Variants in MEGF6 observed in about 807,000 individuals in gnomAD.
The protein encoded by MEGF6 is multiple epidermal growth factor-like domains protein 6.
MEGF6 carries 184 observed loss-of-function variants against 207.1 expected under a neutral mutation model. The ratio of observed to expected loss-of-function variants is 0.89; its 90% CI spans 0.79 to 1.00. MEGF6 has a LOEUF of 1.00. MEGF6 is among the 50% of genes least tolerant of loss of function. The pLI, the probability that MEGF6 is intolerant of heterozygous loss-of-function variation, is 0.00. For synonymous variants in MEGF6, 1,038 were observed against 910.0 expected (o/e 1.14, Z -2.53); for missense variants, 2,282 against 2,202.9 (o/e 1.04, Z -0.72).
At chr1:3,578,536 T>TC (rs1643704459) in intron 4 of MEGF6, among the ~76,000 whole-genome samples, 1 of 138,580 alleles carries the variant, frequency 7.2e-6, no homozygotes, top group Non-Finnish European at 1.6e-5. Flanking sequence ...GCAGGGGCCC[T>TC]GGGGGGGGGG....
chr1:3,568,210 T>A (rs1186486246), intron 4 of MEGF6, among the ~76,000 whole-genome samples: 2 of 152,026 alleles, frequency 1.3e-5, no homozygotes, highest in African/African-American at 4.8e-5. Flanking sequence ...CCTGGAGTGA[T>A]GAGGGGGTGA....
chr1:3,495,186 C>T (rs965890575), intron 30 of MEGF6, among the ~76,000 whole-genome samples: 4 of 152,186 alleles, frequency 2.6e-5, no homozygotes, highest in African/African-American at 4.8e-5. Flanking sequence ...GCCTGATGAC[C>T]GGCCTGATGG....
chr1:3,572,286 C>CT, intron 4 of MEGF6, among the ~76,000 whole-genome samples: 1 of 125,576 alleles, frequency 8.0e-6, no homozygotes, highest in Non-Finnish European at 1.7e-5. Flanking sequence ...GCTGGGTCCT[C>CT]CTGGGTGTGC....
At chr1:3,502,048 C>CCA (rs1557724551) in intron 17 of MEGF6, 127 bp from the exon 18 acceptor site, 5 of 1,190,540 alleles carry the variant, frequency 4.2e-6, no homozygotes, top group East Asian at 3.1e-5. Context: ...AGTGTGCCCC[C>CCA]CCGGCGCCTC....
intron 4 of MEGF6, chr1:3,531,497 G>C (rs1642170286): frequency 9.4e-7 from 1 of 1,058,838 alleles, no homozygotes; most frequent in African/African-American, 1.7e-5. Context: ...AGACAACCGA[G>C]GGAGCCGCCC....
At chr1:3,586,225 T>C (rs1643892689) in intron 3 of MEGF6, among the ~76,000 whole-genome samples, 1 of 152,212 alleles carries the variant, frequency 6.6e-6, no homozygotes, top group Non-Finnish European at 1.5e-5. Context: ...ATGTCCTGTG[T>C]GTGGGTGTGA....
At chr1:3,610,293 TG>T (rs1644306940) in intron 1 of MEGF6, among the ~76,000 whole-genome samples, 1 of 152,242 alleles carries the variant, frequency 6.6e-6, no homozygotes, top group African/African-American at 2.4e-5. Flanking sequence ...GCCAGGTTTG[TG>T]GTGGGCCCTA....
At chr1:3,617,996 G>A in the MEGF6 span, among the ~76,000 whole-genome samples, 15 of 152,182 alleles carry the variant, frequency 9.9e-5, no homozygotes, top group Non-Finnish European at 1.6e-4. Context: ...CCAGAGAGGA[G>A]CGGGGCCTCC....
intron 2 of MEGF6, among the ~76,000 whole-genome samples, chr1:3,597,316 A>G (rs2995005): frequency 0.19 from 29,016 of 151,848 alleles, 3,590 homozygotes; most frequent in African/African-American, 0.33. Flanking sequence ...CTTCCTCGGG[A>G]AGCCGCCCTG....
Position 3,497,583 on chromosome 1 carries a change from G to A in MEGF6, c.3353-222C>T, listed in dbSNP as rs982987067. ...GGGCCTCCCCACCGGCAGGCACAGC[G>A]CCCCTCACAGTGAGGCCCGAATGTG... On this transcript the variant is annotated intron_variant, in intron 26 of 36. Transcript: ENST00000356575. The A allele has an allele frequency of 1.3e-4, 89 of 704,788 alleles. No homozygotes were observed. The Admixed American group carries it at 1.5e-3, about 12-fold the overall frequency. The allele number at this position is 704,788 out of a possible 1,614,324, so 43.7% of individuals were successfully genotyped here. A position where few individuals can be genotyped will look rare whatever the true frequency, so the allele number is the denominator to read the frequency against.
intron 7 of MEGF6, among the ~76,000 whole-genome samples, chr1:3,513,476 C>T (rs1372026044): frequency 2.0e-5 from 3 of 150,594 alleles, no homozygotes. Context: ...CAGGATCTCG[C>T]TATGTTGCCC....
rs186981839 is a variant in MEGF6, at chr1:3,495,918, C to T, written c.3843G>A (p.Pro1281=). The change falls in exon 30 of 37, where the codon CCG becomes CCA. Residue 1281 remains proline, a synonymous_variant. Transcript: ENST00000356575. The part of the protein sequence containing the change: ...DPVTGTCLCP[P]GRAGVRCERG... ...GCTCACAGCGGACGCCGGCTCTCCC[C>T]GGGGGGCAGAGGCAGGTGCCGGTCA... 3.0e-4 allele frequency: 477 copies of T among 1,597,550 alleles called. 5 individuals are homozygous for T. The South Asian group carries it at 4.3e-3, about 14-fold the overall frequency.
intron 1 of MEGF6, among the ~76,000 whole-genome samples, chr1:3,604,445 G>A (rs2101890309): frequency 6.6e-6 from 1 of 152,292 alleles, no homozygotes; most frequent in Non-Finnish European, 1.5e-5. Context: ...CCGCAGCAAT[G>A]GGGACCCTCC....
intron 4 of MEGF6, chr1:3,531,138 G>A: frequency 1.3e-6 from 2 of 1,530,064 alleles, no homozygotes; most frequent in Non-Finnish European, 1.8e-6. Context: ...GACATGGGTA[G>A]CAGCCCCTCC....
chr1:3,499,404 C>A (rs1288008166), intron 23 of MEGF6, 138 bp from the exon 24 acceptor site: 1 of 1,409,564 alleles, frequency 7.1e-7, no homozygotes, highest in East Asian at 2.5e-5. Context: ...TGGCTCAGGC[C>A]ACCCACTCAG....
At chr1:3,620,080 G>T in the MEGF6 span, among the ~76,000 whole-genome samples, 310 of 152,310 alleles carry the variant, frequency 2.0e-3, no homozygotes, top group African/African-American at 5.3e-3. Context: ...CTAGAGATCC[G>T]TGGAACTTTG....
At chr1:3,602,733 C>T (rs1644180873) in intron 1 of MEGF6, 133 bp from the exon 2 acceptor site, 1 of 1,326,496 alleles carries the variant, frequency 7.5e-7, no homozygotes, top group Non-Finnish European at 1.0e-6. Context: ...CTCCACGGCA[C>T]AGTGCCCATG....
At position 3,493,997 on chromosome 1, in the gene MEGF6, C is replaced by A. The variant is rs764844486; in HGVS notation, c.4257G>T (p.Arg1419Ser). 3.8e-6 allele frequency: 6 copies of A among 1,599,206 alleles called. No homozygotes were observed. The highest frequency in any genetic ancestry group is 4.3e-6 in the Non-Finnish European group (5 of 1,174,118). ...TTCAGGGAGGCACCAAGCACTCACC[C>A]CTCTCACAGAAGTGGCCGTGGAAGC... ...PAGFHGHFCERGCEPGSFGEG... is the reference protein window; with the variant it reads ...PAGFHGHFCESGCEPGSFGEG... Residue 1419 changes from arginine (R) to serine (S), a missense_variant and splice_region_variant, in exon 33 of 37, where the codon AGG becomes AGT. By Grantham distance (110) the Arg-to-Ser change is moderately radical. Coordinates refer to ENST00000356575, the MANE Select transcript of MEGF6 (RefSeq NM_001409.4).
rs373968622 is a variant in MEGF6, at chr1:3,550,321, C to T, written c.482-26075G>A. Among the ~76,000 whole-genome samples, 41 of 152,270 alleles carry T rather than the reference C, an allele frequency of 2.7e-4. No homozygotes were observed. In the East Asian group the frequency reaches 2.7e-3, roughly 10 times the overall value. On this transcript the variant is annotated intron_variant, in intron 4 of 36. Coordinates refer to ENST00000356575, the MANE Select transcript of MEGF6 (RefSeq NM_001409.4). ...TGAAGACAGACATGGAGGACGACAG[C>T]GAGGAGGAACCTCAAACCTCGTGCT...
Sources: gnomAD v4.1 joint callset for allele counts (sites outside exome capture counted in the v4.1 genomes callset) on GRCh38, gnomAD v4.1.1 for gene constraint, MANE v1.5 for transcripts, NCBI Gene and HGNC (gene_info 2026-07-23, HGNC 2026-07-21) for gene names.